The following ZNF577 variants were observed in gnomAD, a reference collection of about 807,000 sequenced individuals.
ZNF577 encodes zinc finger protein 577.
In ZNF577, 14 loss-of-function variants were observed where a neutral mutation model predicts 13.9. The observed-to-expected ratio is 1.00, with a 90% CI of 0.66 to 1.57. ZNF577 has a LOEUF of 1.57. Among genes scored for constraint, ZNF577 ranks in the 40% most tolerant of loss-of-function variants. The probability of loss-of-function intolerance (pLI) is 0.00; values close to 1 mark genes in which losing one functional copy is unlikely to be tolerated. For missense variants in ZNF577, 555 were observed against 579.2 expected, an observed-to-expected ratio of 0.96 and a Z score of 0.43; for synonymous variants, 203 against 202.9, an observed-to-expected ratio of 1.00 and a Z score of 0.00.
Position 51,869,559 on chromosome 19 carries a change from T to C in ZNF577, c.*2973A>G, listed in dbSNP as rs2084621201. Reference sequence around the variant, plus strand: ...CAGAGACCAGTGCCGGTGCGGGTCCTCCATATGCTGAGCACCGGTCCCCTG... The same window carrying C: ...CAGAGACCAGTGCCGGTGCGGGTCCCCCATATGCTGAGCACCGGTCCCCTG... On this transcript the variant is annotated 3_prime_UTR_variant, in exon 6 of 6. Transcript: ENST00000638348. 6.6e-6 allele frequency among the ~76,000 whole-genome samples: 1 copy of C among 152,134 alleles called. No individual in the cohort carries two copies. The highest frequency in any genetic ancestry group is 1.5e-5 in the Non-Finnish European group (1 of 68,030).
At chr19:51,878,615 AT>A in intron 3 of ZNF577, 100 bp from the exon 4 acceptor site, 1 of 1,424,860 alleles carries the variant, frequency 7.0e-7, no homozygotes, top group Middle Eastern at 1.8e-4. Flanking sequence ...ATGACAACGT[AT>A]GCACACCATG....
downstream of ZNF577, among the ~76,000 whole-genome samples, chr19:51,865,511 C>G (rs1032194693): frequency 6.6e-6 from 1 of 152,152 alleles, no homozygotes; most frequent in African/African-American, 2.4e-5. Context: ...GTAGGAAATA[C>G]AAAAATCAGG....
intron 9 of ZNF577, among the ~76,000 whole-genome samples, chr19:51,822,399 G>A (rs186170923): frequency 2.0e-5 from 3 of 152,312 alleles, no homozygotes; most frequent in East Asian, 3.9e-4. Context: ...ACAAAATTGC[G>A]ATTTGATTTG....
chr19:51,870,232 A>G lies in ZNF577; in HGVS notation c.*2300T>C, dbSNP rs1199980661. 6.6e-6 allele frequency among the ~76,000 whole-genome samples: 1 copy of G among 152,044 alleles called. No homozygotes were observed. The highest frequency in any genetic ancestry group is 1.5e-5 in the Non-Finnish European group (1 of 68,004). The stretch of plus-strand genomic sequence containing the variant: ...GTGTGCCACTTCTGGGTCTCTACTG[A>G]GTTTTCTTCATGTTATGGGGTTATA... On this transcript the variant is annotated 3_prime_UTR_variant, in exon 6 of 6. Transcript: ENST00000638348.
At chr19:51,807,178 G>A (rs2084065088) in intron 10 of ZNF577, among the ~76,000 whole-genome samples, 1 of 151,590 alleles carries the variant, frequency 6.6e-6, no homozygotes, top group East Asian at 1.9e-4. Flanking sequence ...GCTTTACACA[G>A]CCCTCCGTAT....
intron 9 of ZNF577, among the ~76,000 whole-genome samples, chr19:51,821,411 T>G (rs1261698856): frequency 2.6e-5 from 4 of 152,160 alleles, no homozygotes; most frequent in Non-Finnish European, 5.9e-5. Flanking sequence ...GAGTTGCTAC[T>G]AGCATCGGTG....
chr19:51,858,984 CAGAT>C (rs1238215501), intron 5 of ZNF577, among the ~76,000 whole-genome samples: 35 of 152,324 alleles, frequency 2.3e-4, no homozygotes, highest in African/African-American at 8.4e-4. Flanking sequence ...ACATACTACG[CAGAT>C]AGATTGCATT....
intron 9 of ZNF577, among the ~76,000 whole-genome samples, chr19:51,831,917 C>A (rs1184923154): frequency 6.6e-6 from 1 of 152,188 alleles, no homozygotes; most frequent in African/African-American, 2.4e-5. Flanking sequence ...TTTCATGTGA[C>A]CAGTTCATGT....
At chr19:51,810,369 G>A (rs751033592) in intron 10 of ZNF577, among the ~76,000 whole-genome samples, 11 of 152,176 alleles carry the variant, frequency 7.2e-5, no homozygotes, top group African/African-American at 9.7e-5. Flanking sequence ...GGAATCTGAC[G>A]CTTCACTGCC....
intron 9 of ZNF577, among the ~76,000 whole-genome samples, chr19:51,816,185 T>C (rs555505991): frequency 2.0e-5 from 3 of 152,188 alleles, no homozygotes; most frequent in Admixed American, 6.5e-5. Context: ...ATGTACCACC[T>C]CAACCTCTCC....
At chr19:51,883,481 T>C (rs113510943) in intron 1 of ZNF577, among the ~76,000 whole-genome samples, 2,262 of 152,144 alleles carry the variant, frequency 0.015, 71 homozygotes, top group African/African-American at 0.052. Context: ...TTTTTCCTTT[T>C]AATTAAGTGA....
chr19:51,845,358 G>A (rs1484429818), intron 5 of ZNF577, among the ~76,000 whole-genome samples: 5 of 151,964 alleles, frequency 3.3e-5, no homozygotes, highest in Non-Finnish European at 7.4e-5. Flanking sequence ...CCGTGGTGGT[G>A]TATGCCTGTA....
intron 5 of ZNF577, among the ~76,000 whole-genome samples, chr19:51,847,910 T>C (rs1472056704): frequency 6.6e-6 from 1 of 152,052 alleles, no homozygotes; most frequent in Non-Finnish European, 1.5e-5. Context: ...TTATACAAAC[T>C]CAGTAGCACT....
intron 9 of ZNF577, among the ~76,000 whole-genome samples, chr19:51,822,555 A>T (rs552825876): frequency 1.3e-5 from 2 of 152,370 alleles, no homozygotes; most frequent in Admixed American, 1.3e-4. Flanking sequence ...TTAAGTGACC[A>T]GCAGATTTCA....
Position 51,872,867 on chromosome 19 carries a change from T to C in ZNF577, c.1123A>G (p.Thr375Ala), listed in dbSNP as rs1213484560. ...HMSVLIKHEK[T>A]HIRETAINSL... Reference sequence around the variant, plus strand: ...TTTATGGCTGTCTCTCTTATGTGAGTTTTCTCATGTTTAATGAGGACTGAC... The same window carrying C: ...TTTATGGCTGTCTCTCTTATGTGAGCTTTCTCATGTTTAATGAGGACTGAC... Residue 375 changes from threonine to alanine, a missense_variant, in exon 6 of 6, where the codon ACT (threonine) becomes GCT (alanine). By Grantham distance (58) the Thr-to-Ala change is moderately conservative (BLOSUM62 0). Coordinates refer to ENST00000638348, the MANE Select transcript of ZNF577 (RefSeq NM_001370449.1). 3 of 1,614,138 alleles carry C rather than the reference T, an allele frequency of 1.9e-6. No homozygotes were observed. Among genetic ancestry groups the C allele is most frequent in the Non-Finnish European group, 1.7e-6 (2 of 1,180,018 alleles).
rs141733472 is a variant in ZNF577 at position 51,812,497 on chromosome 19, A to T, written c.*600-823T>A. Among the ~76,000 whole-genome samples the T allele has an allele frequency of 7.9e-5, 12 of 152,346 alleles. No individual in the cohort carries two copies. The East Asian group carries it at 2.3e-3, about 29-fold the overall frequency. On this transcript the variant is annotated intron_variant and NMD_transcript_variant, in intron 9 of 10. Coordinates refer to the ZNF577 transcript ENST00000638827. ...AATACTATTCAATCAAGAACTGGTA[A>T]ACATTTTGCTCTCATTCATTTGGCT...
At position 51,886,873 on chromosome 19, in the gene ZNF577, C is replaced by T. The variant is rs1478965055; in HGVS notation, c.-271G>A. On this transcript the variant is annotated 5_prime_UTR_variant, in exon 1 of 6. Coordinates refer to ENST00000638348, the MANE Select transcript of ZNF577 (RefSeq NM_001370449.1). ...CTTACTCCACAGTCCATACACTTGC[C>T]ACCTGGCTAAAATTATTTGCAGATG... 6.6e-6 allele frequency: 1 copy of T among 152,256 alleles called. No homozygotes were observed. The highest frequency in any genetic ancestry group is 1.9e-4 in the East Asian group (1 of 5,186). 9.4% of individuals were successfully genotyped at this position (152,256 alleles called of 1,614,324 possible). A position where few individuals can be genotyped will look rare whatever the true frequency, so the allele number is the denominator to read the frequency against.
chr19:51,857,284 C>T (rs916647358), intron 5 of ZNF577, among the ~76,000 whole-genome samples: 24 of 145,258 alleles, frequency 1.7e-4, no homozygotes, highest in African/African-American at 5.9e-4. Context: ...GGCGACAAAG[C>T]GAGACTCCAT....
chr19:51,878,534 T>A lies in ZNF577; in HGVS notation c.61-19A>T. The A allele has an allele frequency of 1.2e-6, 2 of 1,613,408 alleles. No homozygotes were observed. Among genetic ancestry groups the A allele is most frequent in the Non-Finnish European group, 1.7e-6 (2 of 1,179,558 alleles). ...ATGACCCCTATAATAACAATTCCAATGCAATCTGAGGTGGATAACAATAGA... is the reference window on the plus strand; with the variant it reads ...ATGACCCCTATAATAACAATTCCAAAGCAATCTGAGGTGGATAACAATAGA... On this transcript the variant is annotated intron_variant, in intron 3 of 5. Transcript: ENST00000638348.
Sources: allele counts gnomAD v4.1 joint callset (sites outside exome capture counted in the v4.1 genomes callset), GRCh38; gene constraint gnomAD v4.1.1; transcripts MANE v1.5; gene names NCBI Gene and HGNC (gene_info 2026-07-23, HGNC 2026-07-21).